PLXNC1: variants seen among roughly 807,000 people sequenced by gnomAD.
The protein encoded by PLXNC1 is plexin C1, also known as plexin-C1.
In PLXNC1, 75 loss-of-function variants were observed where a neutral mutation model predicts 178.2. The ratio of observed to expected loss-of-function variants is 0.42; its 90% CI spans 0.35 to 0.51. PLXNC1 has a LOEUF of 0.51. Among genes scored for constraint, PLXNC1 ranks in the 20% least tolerant of loss-of-function variants. The pLI is 0.02. For missense variants in PLXNC1, 1,503 were observed against 1,984.4 expected (o/e 0.76, Z 4.61); for synonymous variants, 790 against 779.9 (o/e 1.01, Z -0.22).
In PLXNC1 at chr12:94,149,878, C is replaced by G; in HGVS notation, c.907C>G (p.Leu303Val). The G allele has an allele frequency of 6.3e-7, 1 of 1,587,576 alleles. No homozygotes were observed. The highest frequency in any genetic ancestry group is 1.1e-5 in the South Asian group (1 of 87,876). ...LLLSSSLVEALDVWAGVFSAA... is the reference protein window; with the variant it reads ...LLLSSSLVEAVDVWAGVFSAA... ...CCTCTCCTCCAGCCTAGTGGAGGCC[C>G]TGGACGTCTGGGCGGGAGTGTTCAG... The change falls in exon 1 of 31, where the codon CTG becomes GTG. Residue 303 changes from leucine (L) to valine (V), a missense_variant. By Grantham distance (32) the Leu-to-Val change is conservative. This residue lies in a region of PLXNC1 where 615 missense variants were observed against 698.6 expected (regional missense o/e 0.88). Coordinates refer to ENST00000258526, the MANE Select transcript of PLXNC1 (RefSeq NM_005761.3).
chr12:94,193,942 A>G (rs1962818883), intron 4 of PLXNC1, among the ~76,000 whole-genome samples: 1 of 152,186 alleles, frequency 6.6e-6, no homozygotes, highest in Non-Finnish European at 1.5e-5. Flanking sequence ...CTGTTTTTGC[A>G]CTGCTATAAT....
chr12:94,181,158 G>C (rs1025740836), intron 2 of PLXNC1, among the ~76,000 whole-genome samples: 1 of 152,060 alleles, frequency 6.6e-6, no homozygotes, highest in East Asian at 1.9e-4. Flanking sequence ...CCAGCACTTT[G>C]GGAGGCTGAG....
intron 11 of PLXNC1, among the ~76,000 whole-genome samples, chr12:94,241,137 C>T (rs7969861): frequency 0.069 from 10,455 of 152,212 alleles, 512 homozygotes; most frequent in African/African-American, 0.14. Context: ...TAAACTCTCC[C>T]AGATAAATCC....
At chr12:94,238,649 A>G (rs1325653755) in intron 10 of PLXNC1, among the ~76,000 whole-genome samples, 1 of 152,236 alleles carries the variant, frequency 6.6e-6, no homozygotes, top group Admixed American at 6.5e-5. Context: ...ATGGAAATGC[A>G]TTTAAGACAA....
chr12:94,280,678 G>A (rs530870608), intron 22 of PLXNC1, among the ~76,000 whole-genome samples: 6 of 152,190 alleles, frequency 3.9e-5, no homozygotes, highest in Non-Finnish European at 4.4e-5. Flanking sequence ...GCCCCAGCCA[G>A]GACACCATGA....
At chr12:94,172,598 G>A (rs1961887274) in intron 2 of PLXNC1, among the ~76,000 whole-genome samples, 1 of 152,024 alleles carries the variant, frequency 6.6e-6, no homozygotes. Flanking sequence ...TCAGCATTTT[G>A]GATTCTCTAT....
chr12:94,202,711 C>T (rs59510110), intron 4 of PLXNC1, among the ~76,000 whole-genome samples: 3,464 of 152,306 alleles, frequency 0.023, 42 homozygotes, highest in Non-Finnish European at 0.03. Context: ...TATCAAATGC[C>T]TGCTCTCCAC....
intron 21 of PLXNC1, among the ~76,000 whole-genome samples, chr12:94,269,003 A>G (rs1323363180): frequency 6.6e-6 from 1 of 152,142 alleles, no homozygotes; most frequent in Non-Finnish European, 1.5e-5. Context: ...ACGTTTTGTC[A>G]AGAGTGGAAC....
intron 26 of PLXNC1, among the ~76,000 whole-genome samples, chr12:94,297,736 A>G (rs1968073802): frequency 6.6e-6 from 1 of 152,170 alleles, no homozygotes; most frequent in African/African-American, 2.4e-5. Flanking sequence ...CTTTTGGTTT[A>G]CTTGTTATTA....
At chr12:94,184,420 C>A (rs1419292672) in intron 3 of PLXNC1, among the ~76,000 whole-genome samples, 3 of 151,770 alleles carry the variant, frequency 2.0e-5, no homozygotes, top group African/African-American at 7.3e-5. Context: ...GCCACCTCGC[C>A]TGGCCCTCTC....
At chr12:94,237,506 C>T (rs1351039238) in intron 9 of PLXNC1, among the ~76,000 whole-genome samples, 158 bp from the exon 10 acceptor site, 1 of 152,206 alleles carries the variant, frequency 6.6e-6, no homozygotes, top group Non-Finnish European at 1.5e-5. Context: ...AGCCCTCTTC[C>T]TTGAATTCAT....
intron 2 of PLXNC1, among the ~76,000 whole-genome samples, chr12:94,177,199 ACGTATATATATATGTGTGTG>A (rs1962115288): frequency 3.8e-5 from 1 of 26,038 alleles, no homozygotes; most frequent in African/African-American, 3.3e-4. Context: ...ATATATATAT[ACGTATATATATATGTGTGTG>A]TATATATATA....
intron 21 of PLXNC1, among the ~76,000 whole-genome samples, chr12:94,267,180 C>T (rs187862093): frequency 5.3e-5 from 8 of 152,164 alleles, no homozygotes; most frequent in Admixed American, 1.3e-4. Flanking sequence ...TGATTATAGT[C>T]GGGAATCCTC....
rs1456983665 is a variant in PLXNC1 at position 94,303,803 on chromosome 12, C to T, written c.4434C>T (p.Tyr1478=). The T allele has an allele frequency of 2.0e-6, 3 of 1,500,928 alleles. No individual in the cohort carries two copies. Among genetic ancestry groups the T allele is most frequent in the Admixed American group, 1.8e-5 (1 of 54,324 alleles). The allele number at this position is 1,500,928 out of a possible 1,614,324, so 93.0% of individuals were successfully genotyped here. The change falls in exon 29 of 31, where the codon TAC becomes TAT. Residue 1478 remains tyrosine, a synonymous_variant. Coordinates refer to ENST00000258526, the MANE Select transcript of PLXNC1 (RefSeq NM_005761.3). ...KLLYAKDIPT[Y]KEEVKSYYKA... ...TCTATGCCAAGGATATCCCAACCTA[C>T]AAAGAAGAAGTAAAATCTTATTACA...
chr12:94,251,766 G>A (rs1008709777), intron 15 of PLXNC1, among the ~76,000 whole-genome samples: 3 of 152,154 alleles, frequency 2.0e-5, no homozygotes, highest in Non-Finnish European at 4.4e-5. Context: ...TGAGGCGGGC[G>A]GATCGCCTTG....
chr12:94,228,217 T>C (rs982876701), intron 9 of PLXNC1, among the ~76,000 whole-genome samples: 3 of 152,256 alleles, frequency 2.0e-5, no homozygotes, highest in Non-Finnish European at 2.9e-5. Flanking sequence ...TTAGAAAAGC[T>C]TGATGCTCAG....
intron 28 of PLXNC1, 148 bp from the exon 29 acceptor site, chr12:94,303,608 C>CT (rs1713354288): frequency 1.7e-6 from 1 of 588,728 alleles, no homozygotes; most frequent in African/African-American, 1.9e-5. Context: ...CATTTAAGGC[C>CT]TACTGCATGA....
intron 4 of PLXNC1, among the ~76,000 whole-genome samples, chr12:94,202,101 G>A (rs1339976680): frequency 6.6e-6 from 1 of 152,114 alleles, no homozygotes; most frequent in Non-Finnish European, 1.5e-5. Context: ...TCTCACCCTT[G>A]AATGCTTAGC....
intron 2 of PLXNC1, among the ~76,000 whole-genome samples, chr12:94,181,058 A>C (rs895134525): frequency 1.3e-5 from 2 of 152,190 alleles, no homozygotes; most frequent in Admixed American, 1.3e-4. Flanking sequence ...GTGAAAAAGG[A>C]TGTAGCTTTA....
Sources: gnomAD v4.1 joint callset for allele counts (sites outside exome capture counted in the v4.1 genomes callset) on GRCh38, gnomAD v4.1.1 for gene constraint, gnomAD v4.1.1 regional missense constraint, MANE v1.5 for transcripts, NCBI Gene and HGNC (gene_info 2026-07-23, HGNC 2026-07-21) for gene names.